PCDHGC5: variants seen among roughly 807,000 people sequenced by gnomAD.
PCDHGC5 encodes the protein protocadherin gamma-C5.
In PCDHGC5, 25 loss-of-function variants were observed where a neutral mutation model predicts 59.0. That is an observed-to-expected ratio of 0.42 (90% CI 0.31 to 0.59). PCDHGC5 has a LOEUF of 0.59. Among genes scored for constraint, PCDHGC5 ranks in the 20% least tolerant of loss-of-function variants. PCDHGC5 has a pLI of 0.13. For synonymous variants in PCDHGC5, 434 were observed against 505.5 expected (o/e 0.86, Z 1.90); for missense variants, 1,067 against 1,206.4 (o/e 0.88, Z 1.71).
In PCDHGC5 at chr5:141,495,049, T is replaced by G. The variant is rs543734863; in HGVS notation, c.2519+184T>G. ...CCCCGGAAGGAAGAGGCGACTGCCC[T>G]GACTGTTCAGGAAGCTCAATTCACA... On this transcript the variant is annotated intron_variant, in intron 2 of 3. Coordinates refer to ENST00000252087, the MANE Select transcript of PCDHGC5 (RefSeq NM_018929.3). Among the ~76,000 whole-genome samples the G allele has an allele frequency of 5.6e-4, 86 of 152,312 alleles. 1 individual carries two copies. Among genetic ancestry groups the G allele is most frequent in the African/African-American group, 1.6e-3 (65 of 41,578 alleles).
chr5:141,490,984 T>TCTG lies in PCDHGC5; in HGVS notation c.1747_1749dup (p.Ala583dup). On this transcript the variant is annotated inframe_insertion, in exon 1 of 4. Transcript: ENST00000252087. The surrounding 1 kb of genome is among the most constrained non-coding windows in gnomAD (Gnocchi z 5.4). ...CTCAGCCCCCCAGCGTCTCCCTCGCTCTGCTCCTCCTGGCTCCTTGGTCAC... is the reference window on the plus strand; with the variant it reads ...CTCAGCCCCCCAGCGTCTCCCTCGCTCTGCTGCTCCTCCTGGCTCCTTGGTCAC... The TCTG allele has an allele frequency of 1.2e-6, 2 of 1,614,110 alleles. No homozygotes were observed. Among genetic ancestry groups the TCTG allele is most frequent in the Non-Finnish European group, 1.7e-6 (2 of 1,180,028 alleles).
Position 141,490,083 on chromosome 5 carries a change from T to G in PCDHGC5, c.843T>G (p.Phe281Leu). Reference sequence around the variant, plus strand: ...CCAACGGCCAACTAGACTATTCTTTTGGAGACCACACATCTGAGGCAGTGC... The same window carrying G: ...CCAACGGCCAACTAGACTATTCTTTGGGAGACCACACATCTGAGGCAGTGC... ...EGTNGQLDYS[F>L]GDHTSEAVRN... The change falls in exon 1 of 4, where the codon TTT becomes TTG. Residue 281 changes from phenylalanine (F) to leucine (L), a missense_variant. Physicochemically the swap from Phe to Leu is conservative, Grantham distance 22. Coordinates refer to ENST00000252087, the MANE Select transcript of PCDHGC5 (RefSeq NM_018929.3). This position sits in a 1 kb window ranked among gnomAD's most constrained non-coding sequence, Gnocchi z 5.4. 1.2e-6 allele frequency: 2 copies of G among 1,614,262 alleles called. No individual in the cohort carries two copies. The highest frequency in any genetic ancestry group is 1.7e-6 in the Non-Finnish European group (2 of 1,180,054).
In PCDHGC5 at chr5:141,489,705, C is replaced by G; in HGVS notation, c.465C>G (p.Asp155Glu). The G allele has an allele frequency of 6.2e-7, 1 of 1,614,022 alleles. No homozygotes were observed. The highest frequency in any genetic ancestry group is 1.1e-5 in the South Asian group (1 of 91,074). ...SAASGARFPL[D>E]SAQDPDVGTN... ...CATCTGGGGCACGATTCCCACTGGA[C>G]AGTGCCCAGGATCCGGATGTGGGCA... The change falls in exon 1 of 4, where the codon GAC (aspartate) becomes GAG (glutamate). Residue 155 changes from aspartate to glutamate, a missense_variant. Physicochemically the swap from Asp to Glu is conservative, Grantham distance 45. Coordinates refer to ENST00000252087, the MANE Select transcript of PCDHGC5 (RefSeq NM_018929.3). The surrounding 1 kb of genome is among the most constrained non-coding windows in gnomAD (Gnocchi z 4.5).
At chr5:141,492,527 G>A (rs1000672383) in intron 1 of PCDHGC5, among the ~76,000 whole-genome samples, 1 of 152,184 alleles carries the variant, frequency 6.6e-6, no homozygotes, top group African/African-American at 2.4e-5. Flanking sequence ...TCTCCCACCT[G>A]CGCCCCGGGC....
In PCDHGC5 at chr5:141,510,980, G is replaced by A; in HGVS notation, c.2642G>A (p.Gly881Asp). The change falls in exon 4 of 4, where the codon GGT becomes GAT. Residue 881 changes from glycine (G) to aspartate (D), a missense_variant. Transcript: ENST00000252087. ...AADGSSTLGGGAGTMGLSARY... is the reference protein window; with the variant it reads ...AADGSSTLGGDAGTMGLSARY... ...GATGGGAGCTCCACCCTGGGAGGGG[G>A]TGCCGGCACCATGGGATTGAGCGCC... 1 of 1,614,170 alleles carries A rather than the reference G, an allele frequency of 6.2e-7. No homozygotes were observed.
intron 2 of PCDHGC5, among the ~76,000 whole-genome samples, chr5:141,499,083 C>G (rs2099789346): frequency 6.6e-6 from 1 of 152,082 alleles, no homozygotes; most frequent in African/African-American, 2.4e-5. Flanking sequence ...GAAGTTCCTG[C>G]TTGGCACATG....
rs1188870363 is a variant in PCDHGC5 at position 141,490,058 on chromosome 5, C to T, written c.818C>T (p.Thr273Ile). ...AATGCCACTGATCCAGACGAGGGCA[C>T]CAACGGCCAACTAGACTATTCTTTT... ...RLNATDPDEGTNGQLDYSFGD... is the reference protein window; with the variant it reads ...RLNATDPDEGINGQLDYSFGD... The change falls in exon 1 of 4, where the codon ACC (threonine) becomes ATC (isoleucine). Residue 273 changes from threonine to isoleucine, a missense_variant. Coordinates refer to ENST00000252087, the MANE Select transcript of PCDHGC5 (RefSeq NM_018929.3). The surrounding 1 kb of genome is among the most constrained non-coding windows in gnomAD (Gnocchi z 5.4). The T allele has an allele frequency of 6.2e-7, 1 of 1,614,230 alleles. No individual in the cohort carries two copies. Among genetic ancestry groups the T allele is most frequent in the South Asian group, 1.1e-5 (1 of 91,084 alleles).
rs756915110 is a variant in PCDHGC5, at chr5:141,490,431, T to C, written c.1191T>C (p.Ile397=). 6 of 1,614,036 alleles carry C rather than the reference T, an allele frequency of 3.7e-6. No individual in the cohort carries two copies. In the South Asian group the frequency reaches 6.6e-5, roughly 18 times the overall value. ...LDISPDLPFQ[I]KPSENHYSLL... is the part of the protein sequence containing the mutation. ...TCTCTCCGGACCTGCCATTTCAGATTAAGCCTTCTGAGAACCACTACTCGC... is the reference window on the plus strand; with the variant it reads ...TCTCTCCGGACCTGCCATTTCAGATCAAGCCTTCTGAGAACCACTACTCGC... The change falls in exon 1 of 4, where the codon ATT becomes ATC. Residue 397 remains isoleucine (I), a synonymous_variant. Transcript: ENST00000252087. The surrounding 1 kb of genome is among the most constrained non-coding windows in gnomAD (Gnocchi z 5.4).
chr5:141,501,439 C>G (rs1245306644), intron 2 of PCDHGC5, among the ~76,000 whole-genome samples: 1 of 151,978 alleles, frequency 6.6e-6, no homozygotes, highest in Non-Finnish European at 1.5e-5. Context: ...TCCATTTCTT[C>G]CATTTTTACT....
intron 1 of PCDHGC5, 146 bp from the exon 2 acceptor site, chr5:141,494,661 G>C (rs2099755951): frequency 6.7e-7 from 1 of 1,492,856 alleles, no homozygotes; most frequent in African/African-American, 1.4e-5. Context: ...TTTGTCTTTG[G>C]AGATGAGTCC....
rs539878473 is a variant in PCDHGC5 at position 141,501,595 on chromosome 5, C to T, written c.2520-3798C>T. Reference sequence around the variant, plus strand: ...GCTGGCTTTCAGGTTGCAACTCTACCAGTTCCAGCTGTGTGACTCTGGTAT... The same window carrying T: ...GCTGGCTTTCAGGTTGCAACTCTACTAGTTCCAGCTGTGTGACTCTGGTAT... On this transcript the variant is annotated intron_variant, in intron 2 of 3. Coordinates refer to ENST00000252087, the MANE Select transcript of PCDHGC5 (RefSeq NM_018929.3). Among the ~76,000 whole-genome samples the T allele has an allele frequency of 9.9e-5, 15 of 152,164 alleles. No homozygotes were observed. In the East Asian group the frequency reaches 2.9e-3, roughly 30 times the overall value.
At position 141,491,099 on chromosome 5, in the gene PCDHGC5, T is replaced by C. The variant is rs1352561414; in HGVS notation, c.1859T>C (p.Leu620Pro). 1 of 1,614,176 alleles carries C rather than the reference T, an allele frequency of 6.2e-7. No homozygotes were observed. ...CAGTCCACAGCCCCAGGACTGTTCC[T>C]CGTGTCTACACACACTGGTGAGGTG... The part of the protein sequence containing the change: ...LPQSTAPGLF[L>P]VSTHTGEVRT... Residue 620 changes from leucine (L) to proline (P), a missense_variant, in exon 1 of 4, where the codon CTC (leucine) becomes CCC (proline). Leu to Pro is a moderately conservative substitution (Grantham distance 98, BLOSUM62 -3). Coordinates refer to ENST00000252087, the MANE Select transcript of PCDHGC5 (RefSeq NM_018929.3). The surrounding 1 kb of genome is among the most constrained non-coding windows in gnomAD (Gnocchi z 6.9).
chr5:141,509,819 C>T (rs1008625658), intron 3 of PCDHGC5, among the ~76,000 whole-genome samples: 3 of 152,154 alleles, frequency 2.0e-5, no homozygotes, highest in African/African-American at 7.2e-5. Context: ...AGCTCTTCTC[C>T]ATCTTCTCTC....
Position 141,489,592 on chromosome 5 carries a change from C to T in PCDHGC5, c.352C>T (p.Arg118Cys), listed in dbSNP as rs747085985. 1.3e-5 allele frequency: 21 copies of T among 1,613,928 alleles called. No individual in the cohort carries two copies. The East Asian group carries it at 1.6e-4, about 12-fold the overall frequency. ...VVTEHPLELI[R>C]VEVEILDLND... ...GACTGAACACCCCCTGGAGCTAATC[C>T]GTGTAGAGGTAGAGATCCTGGATCT... is the stretch of plus-strand genomic sequence containing the variant. Residue 118 changes from arginine to cysteine, a missense_variant, in exon 1 of 4, where the codon CGT becomes TGT. By Grantham distance (180) the Arg-to-Cys change is radical. Transcript: ENST00000252087. This position sits in a 1 kb window ranked among gnomAD's most constrained non-coding sequence, Gnocchi z 4.5.
intron 3 of PCDHGC5, chr5:141,507,166 GTCC>G (rs1475125845): frequency 6.6e-5 from 10 of 152,288 alleles, no homozygotes; most frequent in Non-Finnish European, 1.2e-4. Context: ...ATGAGAGGCT[GTCC>G]TCTTCCTCGA....
intron 2 of PCDHGC5, among the ~76,000 whole-genome samples, chr5:141,498,277 G>T (rs1216561939): frequency 6.6e-6 from 1 of 151,924 alleles, no homozygotes; most frequent in African/African-American, 2.4e-5. Flanking sequence ...CAGTAAACTT[G>T]GTTCAAGATC....
chr5:141,500,189 TTTATTTATTTATTTATTTA>T (rs2099797567), intron 2 of PCDHGC5, among the ~76,000 whole-genome samples: 1 of 110,894 alleles, frequency 9.0e-6, no homozygotes, highest in Non-Finnish European at 1.8e-5. Flanking sequence ...TTTATTTTTA[TTTATTTATTTATTTATTTA>T]TTTATTTATT....
chr5:141,494,439 C>T (rs1009257996), intron 1 of PCDHGC5, among the ~76,000 whole-genome samples: 1 of 152,126 alleles, frequency 6.6e-6, no homozygotes, highest in Non-Finnish European at 1.5e-5. Flanking sequence ...CCTCCTTTGC[C>T]ACTTTAGGGG....
rs115001531 is a variant in PCDHGC5, at chr5:141,495,385, G to A, written c.2519+520G>A. Among the ~76,000 whole-genome samples the A allele has an allele frequency of 2.2e-3, 339 of 152,328 alleles. 1 individual carries two copies. Among genetic ancestry groups the A allele is most frequent in the African/African-American group, 7.9e-3 (329 of 41,590 alleles). ...AGGTGGAACTGAGGAAGGACTGGGC[G>A]GGGCATGGAGCAGGCCCCCTTCTCC... On this transcript the variant is annotated intron_variant, in intron 2 of 3. Transcript: ENST00000252087.
Sources: gnomAD v4.1 joint callset for allele counts (sites outside exome capture counted in the v4.1 genomes callset) on GRCh38, gnomAD v4.1.1 for gene constraint, Gnocchi (gnomAD v3.1) non-coding constraint, MANE v1.5 for transcripts, NCBI Gene and HGNC (gene_info 2026-07-23, HGNC 2026-07-21) for gene names.